ZNF557: variants seen among roughly 807,000 people sequenced by gnomAD.
The protein encoded by ZNF557 is CTB-25J19.9.
A neutral mutation model predicts 21.2 loss-of-function variants in ZNF557; 19 were observed. The ratio of observed to expected loss-of-function variants is 0.90; its 90% CI spans 0.63 to 1.32. ZNF557 has a LOEUF of 1.32. ZNF557 is among the 40% of genes most tolerant of loss of function. ZNF557 has a pLI of 0.00. For missense variants in ZNF557, 487 were observed against 519.8 expected (o/e 0.94, Z 0.61); for synonymous variants, 207 against 194.8 (o/e 1.06, Z -0.52).
At position 7,083,861 on chromosome 19, in the gene ZNF557, T is replaced by C. The variant is rs1977777551; in HGVS notation, c.*117T>C. 2.2e-6 allele frequency: 3 copies of C among 1,379,902 alleles called. No individual in the cohort carries two copies. The highest frequency in any genetic ancestry group is 2.4e-5 in the Admixed American group (1 of 42,290). 85.5% of individuals were successfully genotyped at this position (1,379,902 alleles called of 1,614,324 possible). A position where few individuals can be genotyped will look rare whatever the true frequency, so the allele number is the denominator to read the frequency against. Reference sequence around the variant, plus strand: ...GTGTAACAAATTACCCCCCAAAATTTTGTGGCTTCAAACAAAAACACTTGT... The same window carrying C: ...GTGTAACAAATTACCCCCCAAAATTCTGTGGCTTCAAACAAAAACACTTGT... On this transcript the variant is annotated 3_prime_UTR_variant, in exon 8 of 8. Transcript: ENST00000252840.
chr19:7,078,196 C>T (rs2967664), intron 5 of ZNF557, among the ~76,000 whole-genome samples: 131,403 of 152,176 alleles, frequency 0.86, 56,828 homozygotes, highest in Middle Eastern at 0.89. Flanking sequence ...ATCCCACTGG[C>T]TTGCGGCCTC....
At chr19:7,073,143 T>C (rs1183788988) in intron 2 of ZNF557, among the ~76,000 whole-genome samples, 1 of 87,394 alleles carries the variant, frequency 1.1e-5, no homozygotes, top group Non-Finnish European at 2.4e-5. Flanking sequence ...ATATTTGTTT[T>C]TTTGGTTTTT....
intron 4 of ZNF557, 21 bp downstream of exon 4, chr19:7,075,764 T>C (rs755708078): frequency 9.9e-6 from 16 of 1,610,964 alleles, no homozygotes; most frequent in Non-Finnish European, 1.4e-5. Flanking sequence ...TGTTCCTTTT[T>C]CCAAATCATG....
chr19:7,083,207 A>G lies in ZNF557; in HGVS notation c.756A>G (p.Arg252=). Residue 252 remains arginine (R), a synonymous_variant, in exon 8 of 8, where the codon AGA becomes AGG. Coordinates refer to ENST00000252840, the MANE Select transcript of ZNF557 (RefSeq NM_024341.3). ...GKTFSNSSYL[R]PHLRIHTGEK... Reference sequence around the variant, plus strand: ...CCTTCAGCAATTCCTCATACCTCAGACCGCACTTGAGAATTCACACTGGAG... The same window carrying G: ...CCTTCAGCAATTCCTCATACCTCAGGCCGCACTTGAGAATTCACACTGGAG... The G allele has an allele frequency of 6.2e-7, 1 of 1,614,226 alleles. No individual in the cohort carries two copies. The highest frequency in any genetic ancestry group is 8.5e-7 in the Non-Finnish European group (1 of 1,180,046).
chr19:7,081,747 C>G (rs1321046300), intron 6 of ZNF557, among the ~76,000 whole-genome samples: 2 of 152,114 alleles, frequency 1.3e-5, no homozygotes, highest in Non-Finnish European at 2.9e-5. Flanking sequence ...CCTTGCCTTC[C>G]TGACAATTCC....
At position 7,083,311 on chromosome 19, in the gene ZNF557, C is replaced by T. The variant is rs200539541; in HGVS notation, c.860C>T (p.Thr287Met). 5.0e-4 allele frequency: 799 copies of T among 1,614,112 alleles called. 2 individuals carry two copies. Among genetic ancestry groups the T allele is most frequent in the Non-Finnish European group, 6.2e-4 (729 of 1,180,030 alleles). The change falls in exon 8 of 8, where the codon ACG (threonine) becomes ATG (methionine). Residue 287 changes from threonine (T) to methionine (M), a missense_variant. Physicochemically the swap from Thr to Met is moderately conservative, Grantham distance 81. Coordinates refer to ENST00000252840, the MANE Select transcript of ZNF557 (RefSeq NM_024341.3). ...TTCACAAGGCACAAGAGAGTTCATA[C>T]GGGGGAGGGTCATTATGTATGTAAT... ...SIFTRHKRVHTGEGHYVCNQC... is the reference protein window; with the variant it reads ...SIFTRHKRVHMGEGHYVCNQC...
chr19:7,071,485 C>T (rs947001343), intron 2 of ZNF557, among the ~76,000 whole-genome samples: 16 of 152,160 alleles, frequency 1.1e-4, no homozygotes, highest in African/African-American at 3.4e-4. Flanking sequence ...CCCTGCTGGG[C>T]GGCATTGTTC....
intron 4 of ZNF557, 120 bp downstream of exon 4, chr19:7,075,863 T>C: frequency 4.7e-6 from 7 of 1,504,524 alleles, no homozygotes; most frequent in Non-Finnish European, 6.2e-6. Context: ...CCAGGGTCTC[T>C]GAGTGAGGGC....
chr19:7,077,531 A>G (rs1599841084), intron 5 of ZNF557, among the ~76,000 whole-genome samples: 1 of 152,138 alleles, frequency 6.6e-6, no homozygotes, highest in South Asian at 2.1e-4. Context: ...ACCACTTTTT[A>G]TATATCATTT....
rs199884625 is a variant in ZNF557 at position 7,083,516 on chromosome 19, A to G, written c.1065A>G (p.Lys355=). 75 of 1,614,094 alleles carry G rather than the reference A, an allele frequency of 4.6e-5. No individual in the cohort carries two copies. In the Middle Eastern group the frequency reaches 8.2e-4, roughly 18 times the overall value. ...CCTACACATGTAATGAGTGTGGGAA[A>G]TCCTTTACCAATAGCTTTTCTCTTA... ...EKPYTCNECG[K]SFTNSFSLTI... is the part of the protein sequence containing the mutation. Residue 355 remains lysine (K), a synonymous_variant, in exon 8 of 8, where the codon AAA becomes AAG. Transcript: ENST00000252840.
intron 2 of ZNF557, among the ~76,000 whole-genome samples, chr19:7,072,372 C>G (rs1035586269): frequency 1.3e-5 from 2 of 152,026 alleles, no homozygotes; most frequent in Non-Finnish European, 2.9e-5. Flanking sequence ...TTGCAGTGAG[C>G]CGAGATCTCA....
At chr19:7,080,791 G>A (rs1209246815) in intron 5 of ZNF557, among the ~76,000 whole-genome samples, 1 of 152,172 alleles carries the variant, frequency 6.6e-6, no homozygotes, top group Non-Finnish European at 1.5e-5. Context: ...ACATTCAAGA[G>A]CTCCAATGAA....
At chr19:7,079,443 T>C (rs189582244) in intron 5 of ZNF557, among the ~76,000 whole-genome samples, 2 of 142,374 alleles carry the variant, frequency 1.4e-5, no homozygotes, top group African/African-American at 2.5e-5. Context: ...GGGTTCACCG[T>C]GTTAGCCAGG....
Position 7,083,599 on chromosome 19 carries a change from A to G in ZNF557, c.1148A>G (p.Lys383Arg). 1 of 1,614,148 alleles carries G rather than the reference A, an allele frequency of 6.2e-7. No individual in the cohort carries two copies. The highest frequency in any genetic ancestry group is 1.7e-5 in the Admixed American group (1 of 60,022). The change falls in exon 8 of 8, where the codon AAA (lysine) becomes AGA (arginine). Residue 383 changes from lysine to arginine, a missense_variant. Lys to Arg is a conservative substitution (Grantham distance 26). Transcript: ENST00000252840. ...TCCTATGAGTGCAGTGATTGTGGAA[A>G]ATCCTTTAATGTTCTCTCATCCGTT... ...EKSYECSDCG[K>R]SFNVLSSVKK...
intron 2 of ZNF557, among the ~76,000 whole-genome samples, chr19:7,071,773 C>A (rs1206117422): frequency 2.4e-5 from 3 of 125,812 alleles, no homozygotes; most frequent in African/African-American, 9.3e-5. Context: ...GCACTTCAGC[C>A]TGGGCAACAG....
intron 5 of ZNF557, among the ~76,000 whole-genome samples, chr19:7,080,405 G>A (rs1045850134): frequency 5.3e-5 from 8 of 152,136 alleles, no homozygotes; most frequent in African/African-American, 1.7e-4. Flanking sequence ...TTGCTTCACA[G>A]TTTTCCCTTG....
At chr19:7,072,961 A>T (rs1367772467) in intron 2 of ZNF557, among the ~76,000 whole-genome samples, 2 of 152,036 alleles carry the variant, frequency 1.3e-5, no homozygotes, top group Non-Finnish European at 2.9e-5. Flanking sequence ...TGAGAGGAAT[A>T]ACTGGGTGAG....
intron 5 of ZNF557, among the ~76,000 whole-genome samples, 199 bp from the exon 6 acceptor site, chr19:7,081,161 G>A (rs1041685885): frequency 2.9e-4 from 18 of 61,132 alleles, no homozygotes; most frequent in Non-Finnish European, 6.4e-4. Context: ...GTGTGTGTGT[G>A]TGTGTGTGTG....
intron 4 of ZNF557, 62 bp downstream of exon 4, chr19:7,075,805 C>G: frequency 6.3e-7 from 1 of 1,586,366 alleles, no homozygotes; most frequent in Non-Finnish European, 8.6e-7. Context: ...GGACTTGATG[C>G]CTTTCAGTGG....
Sources: allele counts gnomAD v4.1 joint callset (sites outside exome capture counted in the v4.1 genomes callset), GRCh38; gene constraint gnomAD v4.1.1; transcripts MANE v1.5; gene names NCBI Gene and HGNC (gene_info 2026-07-23, HGNC 2026-07-21).